CDK14: variants seen among roughly 807,000 people sequenced by gnomAD.
CDK14 encodes cyclin dependent kinase 14, also known as cyclin-dependent kinase 14.
A neutral mutation model predicts 60.7 loss-of-function variants in CDK14; 34 were observed. The ratio of observed to expected loss-of-function variants is 0.56; its 90% CI spans 0.43 to 0.75. CDK14 has a LOEUF of 0.75. CDK14 is among the 30% of genes least tolerant of loss of function. The pLI, the probability that CDK14 is intolerant of heterozygous loss-of-function variation, is 0.00. For synonymous variants in CDK14, 197 were observed against 203.7 expected (o/e 0.97, Z 0.28); for missense variants, 482 against 564.1 (o/e 0.85, Z 1.47).
At chr7:90,781,988 A>T (rs2116934108) in intron 4 of CDK14, among the ~76,000 whole-genome samples, 1 of 152,248 alleles carries the variant, frequency 6.6e-6, no homozygotes, top group East Asian at 1.9e-4. Context: ...ATGGTATTGA[A>T]TCTATAAATT....
intron 10 of CDK14, among the ~76,000 whole-genome samples, chr7:91,017,727 A>C (rs1368528443): frequency 1.3e-5 from 2 of 152,206 alleles, no homozygotes; most frequent in African/African-American, 4.8e-5. Context: ...CTCTGCCTTC[A>C]CATAACTCTT....
At chr7:90,880,371 A>G (rs918083430) in intron 6 of CDK14, among the ~76,000 whole-genome samples, 1 of 152,130 alleles carries the variant, frequency 6.6e-6, no homozygotes, top group Non-Finnish European at 1.5e-5. Flanking sequence ...TCCTCAGTGG[A>G]TGGGGCTTCC....
chr7:90,876,841 A>C (rs1791579824), intron 6 of CDK14, among the ~76,000 whole-genome samples: 1 of 152,240 alleles, frequency 6.6e-6, no homozygotes, highest in African/African-American at 2.4e-5. Flanking sequence ...AATTGTTGTG[A>C]AGTATATAAG....
rs73708233 is a variant in CDK14, at chr7:91,051,590, T to C, written c.1105+5630T>C. Among the ~76,000 whole-genome samples the C allele has an allele frequency of 2.7e-3, 413 of 152,334 alleles. 4 individuals carry two copies. The highest frequency in any genetic ancestry group is 9.2e-3 in the African/African-American group (384 of 41,572). On this transcript the variant is annotated intron_variant, in intron 11 of 14. Transcript: ENST00000380050. ...AAAGTCTTGAGGTGAGAGATTGTGC[T>C]GTGGTGTTCTCAGTATTTCAGTAAT...
chr7:90,889,779 G>A (rs1792057415), intron 6 of CDK14, among the ~76,000 whole-genome samples: 2 of 152,124 alleles, frequency 1.3e-5, no homozygotes, highest in Admixed American at 1.3e-4. Context: ...TGTCAAATAA[G>A]TCTATACAGG....
Position 90,867,767 on chromosome 7 carries a change from A to G in CDK14, c.639+4498A>G, listed in dbSNP as rs74981894. Among the ~76,000 whole-genome samples the G allele has an allele frequency of 3.3e-3, 497 of 152,192 alleles. 27 individuals are homozygous for G. The East Asian group carries it at 0.088, about 27-fold the overall frequency. On this transcript the variant is annotated intron_variant, in intron 6 of 14. Coordinates refer to ENST00000380050, the MANE Select transcript of CDK14 (RefSeq NM_001287135.2). ...ATAGTGCACATGGTTTAACAATATG[A>G]TATTGTGCACTTACAATTTTGGTAG...
intron 2 of CDK14, among the ~76,000 whole-genome samples, chr7:90,633,697 T>G (rs1800058940): frequency 6.6e-6 from 1 of 152,240 alleles, no homozygotes; most frequent in Admixed American, 6.5e-5. Context: ...AGTAATCATT[T>G]AAATACTTGG....
intron 2 of CDK14, among the ~76,000 whole-genome samples, chr7:90,694,237 G>T (rs1466194376): frequency 1.3e-5 from 2 of 152,114 alleles, no homozygotes; most frequent in Admixed American, 6.6e-5. Context: ...AATCTCTAAG[G>T]TTAAGAGGAA....
intron 3 of CDK14, among the ~76,000 whole-genome samples, chr7:90,729,349 T>TG (rs1802765009): frequency 8.3e-6 from 1 of 119,974 alleles, no homozygotes; most frequent in African/African-American, 3.4e-5. Context: ...TCAAGGTTTT[T>TG]TTTTTTTTTT....
rs114152137 is a variant in CDK14 at position 90,869,326 on chromosome 7, T to C, written c.639+6057T>C. Among the ~76,000 whole-genome samples, 1,257 of 152,174 alleles carry C rather than the reference T, an allele frequency of 8.3e-3. 25 individuals carry two copies. Among genetic ancestry groups the C allele is most frequent in the African/African-American group, 0.026 (1,089 of 41,510 alleles). ...ATCTGAAGGAGATGAAAGAGGGAGA[T>C]GCACATATTTTTAGAGGAAGAGCAT... On this transcript the variant is annotated intron_variant, in intron 6 of 14. Transcript: ENST00000380050.
chr7:91,207,207 T>A lies in CDK14; in HGVS notation c.*71T>A, dbSNP rs1278891363. 1 of 152,150 alleles carries A rather than the reference T, an allele frequency of 6.6e-6. No homozygotes were observed. Among genetic ancestry groups the A allele is most frequent in the Non-Finnish European group, 1.5e-5 (1 of 68,028 alleles). The allele number at this position is 152,150 out of a possible 1,614,324, so 9.4% of individuals were successfully genotyped here. On this transcript the variant is annotated 3_prime_UTR_variant, in exon 15 of 15. Transcript: ENST00000380050. ...TCTGGGAAGAAAAAAAAAACATTAATGAAGAGGCCAATAATATGAAGGGAA... is the reference window on the plus strand; with the variant it reads ...TCTGGGAAGAAAAAAAAAACATTAAAGAAGAGGCCAATAATATGAAGGGAA...
chr7:91,103,865 AGAGT>A (rs966990952), intron 12 of CDK14, among the ~76,000 whole-genome samples: 23 of 152,150 alleles, frequency 1.5e-4, no homozygotes, highest in Admixed American at 9.8e-4. Context: ...AGAGAGAGAG[AGAGT>A]GTGTATTGCA....
chr7:90,731,877 T>C (rs1802879654), intron 3 of CDK14, among the ~76,000 whole-genome samples: 2 of 151,974 alleles, frequency 1.3e-5, no homozygotes, highest in Admixed American at 1.3e-4. Context: ...CAATACTATG[T>C]TGAATAGGAG....
At chr7:90,996,432 A>C (rs1158382918) in intron 10 of CDK14, among the ~76,000 whole-genome samples, 3 of 152,202 alleles carry the variant, frequency 2.0e-5, no homozygotes, top group Non-Finnish European at 2.9e-5. Context: ...ATTCTATCCT[A>C]AATTGATTTC....
Position 90,757,240 on chromosome 7 carries a change from GTGTGTGTGTGTC to G in CDK14, c.464+9475_464+9486del, listed in dbSNP as rs1264429762. Among the ~76,000 whole-genome samples, 1,136 of 142,970 alleles carry G rather than the reference GTGTGTGTGTGTC, an allele frequency of 7.9e-3. 40 individuals are homozygous for G. The East Asian group carries it at 0.15, about 19-fold the overall frequency. The allele number at this position is 142,970 out of a possible 152,430, so 93.8% of individuals were successfully genotyped here. On this transcript the variant is annotated intron_variant, in intron 4 of 14. Transcript: ENST00000380050. The stretch of plus-strand genomic sequence containing the variant: ...TGTGTGTGTGTGTGTGTGTGTGTGT[GTGTGTGTGTGTC>G]TGTGTGTGTCTGTGTCCAAGTTTTC...
chr7:91,032,895 A>C (rs1029044923), intron 10 of CDK14, among the ~76,000 whole-genome samples: 7 of 152,242 alleles, frequency 4.6e-5, no homozygotes, highest in African/African-American at 1.4e-4. Flanking sequence ...AAGCTTTTGA[A>C]GTGTTCTGAA....
chr7:90,968,193 G>A (rs1222364383), intron 9 of CDK14, among the ~76,000 whole-genome samples: 3 of 152,092 alleles, frequency 2.0e-5, no homozygotes, highest in Non-Finnish European at 4.4e-5. Flanking sequence ...GGTAAACTTA[G>A]ATGTTTGTGG....
chr7:90,672,607 A>G (rs947098012), intron 2 of CDK14, among the ~76,000 whole-genome samples: 7 of 141,454 alleles, frequency 4.9e-5, no homozygotes, highest in African/African-American at 1.6e-4. Context: ...GCAGCCTCAA[A>G]CTCCCGGGCT....
chr7:91,059,266 T>G (rs975134819), intron 11 of CDK14, among the ~76,000 whole-genome samples: 3 of 152,252 alleles, frequency 2.0e-5, no homozygotes, highest in Non-Finnish European at 4.4e-5. Flanking sequence ...TTTAACATTT[T>G]TTATTGCATC....
Sources: gnomAD v4.1 joint callset for allele counts (sites outside exome capture counted in the v4.1 genomes callset) on GRCh38, gnomAD v4.1.1 for gene constraint, MANE v1.5 for transcripts, NCBI Gene and HGNC (gene_info 2026-07-23, HGNC 2026-07-21) for gene names.